Variants in ITFG1 observed in about 807,000 individuals in gnomAD.
The protein encoded by ITFG1 is integrin alpha FG-GAP repeat containing 1, also known as T-cell immunomodulatory protein.
ITFG1 carries 34 observed loss-of-function variants against 81.8 expected under a neutral mutation model. The observed-to-expected ratio is 0.42, with a 90% CI of 0.32 to 0.55. The LOEUF is 0.55. Ranked by LOEUF, ITFG1 falls within the 20% of genes least tolerant of loss-of-function variation. The probability of loss-of-function intolerance (pLI) is 0.17; values close to 1 mark genes in which losing one functional copy is unlikely to be tolerated. For missense variants in ITFG1, 672 were observed against 755.4 expected, an observed-to-expected ratio of 0.89 and a Z score of 1.29; for synonymous variants, 285 against 270.6, an observed-to-expected ratio of 1.05 and a Z score of -0.52.
intron 6 of ITFG1, among the ~76,000 whole-genome samples, chr16:47,376,197 AC>A (rs1375376442): frequency 6.6e-6 from 1 of 152,024 alleles, no homozygotes; most frequent in African/African-American, 2.4e-5. Flanking sequence ...TATGTGTCGC[AC>A]TTTTTTTAAA....
At chr16:47,449,177 G>A (rs1286977275) in intron 5 of ITFG1, 1 of 152,118 alleles carries the variant, frequency 6.6e-6, no homozygotes, top group Non-Finnish European at 1.5e-5. Context: ...AAAGATCATT[G>A]CATGCTTCCC....
chr16:47,342,419 A>G (rs1176232107), intron 8 of ITFG1, among the ~76,000 whole-genome samples: 2 of 152,166 alleles, frequency 1.3e-5, no homozygotes, highest in Admixed American at 1.3e-4. Context: ...GTGAAAAACT[A>G]AAAACATTCC....
At chr16:47,183,359 T>G (rs1347835429) in intron 14 of ITFG1, among the ~76,000 whole-genome samples, 3 of 152,130 alleles carry the variant, frequency 2.0e-5, no homozygotes, top group Non-Finnish European at 4.4e-5. Context: ...AGCAGTAACC[T>G]CTGCAGACTT....
At position 47,273,200 on chromosome 16, in the gene ITFG1, T is replaced by C. The variant is rs186711921; in HGVS notation, c.1071-12505A>G. On this transcript the variant is annotated intron_variant, in intron 10 of 17. Transcript: ENST00000320640. The stretch of plus-strand genomic sequence containing the variant: ...AACTCTCTTCCTTAATTCCCCAATT[T>C]CATTATCAGCCTAGACTCAAATGGA... Among the ~76,000 whole-genome samples, 9 of 152,166 alleles carry C rather than the reference T, an allele frequency of 5.9e-5. No homozygotes were observed. The East Asian group carries it at 1.2e-3, about 20-fold the overall frequency.
chr16:47,231,854 C>CA (rs1332149171), intron 13 of ITFG1, among the ~76,000 whole-genome samples: 1 of 152,074 alleles, frequency 6.6e-6, no homozygotes, highest in Admixed American at 6.5e-5. Flanking sequence ...AATATACTGC[C>CA]AAAAAGGACT....
intron 8 of ITFG1, among the ~76,000 whole-genome samples, chr16:47,342,514 GA>G (rs1287814638): frequency 5.3e-5 from 8 of 152,028 alleles, no homozygotes; most frequent in Non-Finnish European, 1.0e-4. Context: ...ATTAGACAGG[GA>G]AAGAGATAAA....
chr16:47,339,615 T>C (rs1967754261), intron 8 of ITFG1, among the ~76,000 whole-genome samples: 1 of 152,024 alleles, frequency 6.6e-6, no homozygotes, highest in Non-Finnish European at 1.5e-5. Flanking sequence ...CAACAGCAGA[T>C]TTGAACAGGC....
At chr16:47,330,107 T>C (rs1241729317) in intron 8 of ITFG1, among the ~76,000 whole-genome samples, 2 of 151,818 alleles carry the variant, frequency 1.3e-5, no homozygotes, top group Admixed American at 1.3e-4. Context: ...GGCATGCCAA[T>C]GGAACAGAAT....
At chr16:47,435,045 G>A (rs1441288689) in intron 5 of ITFG1, among the ~76,000 whole-genome samples, 4 of 152,166 alleles carry the variant, frequency 2.6e-5, no homozygotes, top group South Asian at 2.1e-4. Flanking sequence ...GAGGCTTGGA[G>A]GGAGAGCATC....
chr16:47,258,784 C>T (rs778777632), intron 11 of ITFG1, 44 bp from the exon 12 acceptor site: 1 of 826,684 alleles, frequency 1.2e-6, no homozygotes, highest in Non-Finnish European at 1.9e-6. Context: ...ACTATTAGAC[C>T]AACTAAAAAA....
intron 8 of ITFG1, among the ~76,000 whole-genome samples, chr16:47,352,870 A>G (rs949310675): frequency 1.1e-4 from 17 of 152,214 alleles, no homozygotes; most frequent in Admixed American, 2.6e-4. Context: ...ATGGAATACT[A>G]TGCAGCCATA....
intron 12 of ITFG1, among the ~76,000 whole-genome samples, chr16:47,247,698 A>G (rs533828100): frequency 6.6e-6 from 1 of 152,220 alleles, no homozygotes; most frequent in Admixed American, 6.5e-5. Flanking sequence ...GTTTATAAAA[A>G]CCTCTAAACT....
At chr16:47,280,489 G>T (rs1966439744) in intron 10 of ITFG1, among the ~76,000 whole-genome samples, 1 of 152,106 alleles carries the variant, frequency 6.6e-6, no homozygotes, top group Non-Finnish European at 1.5e-5. Context: ...ATATTGCTGG[G>T]ATTCTTTGGT....
At chr16:47,310,323 C>T (rs1311549476) in intron 10 of ITFG1, among the ~76,000 whole-genome samples, 2 of 152,074 alleles carry the variant, frequency 1.3e-5, no homozygotes, top group African/African-American at 4.8e-5. Flanking sequence ...TATCATGAGC[C>T]TGGTTCTGAA....
intron 7 of ITFG1, among the ~76,000 whole-genome samples, chr16:47,373,817 A>G (rs1271636344): frequency 2.0e-5 from 3 of 152,222 alleles, no homozygotes; most frequent in African/African-American, 7.2e-5. Flanking sequence ...TCATTCTTCT[A>G]CTGGCTAATG....
intron 12 of ITFG1, among the ~76,000 whole-genome samples, chr16:47,245,859 C>G (rs2151536883): frequency 6.7e-6 from 1 of 150,240 alleles, no homozygotes; most frequent in Middle Eastern, 3.4e-3. Flanking sequence ...GAAGAGGAAA[C>G]TGAAGAACTG....
chr16:47,281,199 G>C (rs1294206267), intron 10 of ITFG1, among the ~76,000 whole-genome samples: 5 of 152,108 alleles, frequency 3.3e-5, no homozygotes, highest in Non-Finnish European at 7.4e-5. Flanking sequence ...ATGTAGAGTT[G>C]CACACTTACT....
intron 14 of ITFG1, among the ~76,000 whole-genome samples, chr16:47,201,849 C>A (rs968109088): frequency 1.4e-4 from 21 of 152,264 alleles, no homozygotes; most frequent in African/African-American, 5.1e-4. Context: ...TCTTTGTATC[C>A]TCATCAAGGG....
At position 47,268,084 on chromosome 16, in the gene ITFG1, T is replaced by C. The variant is rs535662078; in HGVS notation, c.1071-7389A>G. Among the ~76,000 whole-genome samples the C allele has an allele frequency of 5.9e-5, 9 of 151,760 alleles. No individual in the cohort carries two copies. The South Asian group carries it at 1.9e-3, about 32-fold the overall frequency. On this transcript the variant is annotated intron_variant, in intron 10 of 17. Coordinates refer to ENST00000320640, the MANE Select transcript of ITFG1 (RefSeq NM_030790.5). ...CAGGAAAAAAATAGAGAAAAATCAA[T>C]GATAACAAAAGCTGGTTTCTTGCAA...
Sources: gnomAD v4.1 joint callset for allele counts (sites outside exome capture counted in the v4.1 genomes callset) on GRCh38, gnomAD v4.1.1 for gene constraint, MANE v1.5 for transcripts, NCBI Gene and HGNC (gene_info 2026-07-23, HGNC 2026-07-21) for gene names.